Variants in CD226 observed in about 807,000 individuals in gnomAD.
CD226 encodes the protein CD226 molecule.
CD226 carries 24 observed loss-of-function variants against 34.9 expected under a neutral mutation model. The ratio of observed to expected loss-of-function variants is 0.69; its 90% CI spans 0.50 to 0.97. The LOEUF (loss-of-function observed/expected upper bound fraction) is 0.97. Among genes scored for constraint, CD226 ranks in the 50% least tolerant of loss-of-function variants. CD226 has a pLI of 0.00. For missense variants in CD226, 397 were observed against 412.7 expected (o/e 0.96, Z 0.33); for synonymous variants, 148 against 147.4 (o/e 1.00, Z -0.03).
chr18:69,953,658 A>G (rs1330145087), intron 1 of CD226, among the ~76,000 whole-genome samples: 1 of 152,222 alleles, frequency 6.6e-6, no homozygotes. Flanking sequence ...AGCGGTCATC[A>G]CAGAACACTG....
At chr18:69,935,612 G>T (rs577536361) in intron 2 of CD226, among the ~76,000 whole-genome samples, 2 of 152,170 alleles carry the variant, frequency 1.3e-5, no homozygotes, top group South Asian at 2.1e-4. Flanking sequence ...CTCATGTTGT[G>T]GTTGGCAGCC....
Position 69,895,987 on chromosome 18 carries a change from A to G in CD226, c.441T>C (p.Asn147=), listed in dbSNP as rs765806830. 12 of 1,613,862 alleles carry G rather than the reference A, an allele frequency of 7.4e-6. No homozygotes were observed. Among genetic ancestry groups the G allele is most frequent in the Middle Eastern group, 1.6e-4 (1 of 6,062 alleles). Residue 147 remains asparagine (N), a synonymous_variant, in exon 3 of 6, where the codon AAT becomes AAC. Coordinates refer to ENST00000582621, the MANE Select transcript of CD226 (RefSeq NM_001303618.2). ...TCTGAGGCTGACAAGTGAGTGTGAC[A>G]TTCTTTCCAGGTTCCGAAACAATGT... The part of the protein sequence containing the change: ...NSHIVSEPGK[N]VTLTCQPQMT...
Position 69,947,410 on chromosome 18 carries a change from T to C in CD226, c.-4A>G. 6.3e-7 allele frequency: 1 copy of C among 1,580,470 alleles called. No individual in the cohort carries two copies. Among genetic ancestry groups the C allele is most frequent in the Non-Finnish European group, 8.6e-7 (1 of 1,164,670 alleles). On this transcript the variant is annotated 5_prime_UTR_variant, in exon 1 of 6. Transcript: ENST00000582621. ...AAAGTAAAGTAGGATAATCCATCTC[T>C]GGAAACTGTTTGAAAGGCTGGTTCT...
intron 2 of CD226, among the ~76,000 whole-genome samples, chr18:69,897,926 C>A (rs1290390566): frequency 4.6e-5 from 7 of 152,084 alleles, no homozygotes; most frequent in African/African-American, 1.7e-4. Context: ...CTCTGTACAA[C>A]CGTTTACCAA....
chr18:69,900,076 T>C (rs1985513855), intron 2 of CD226, among the ~76,000 whole-genome samples: 2 of 152,204 alleles, frequency 1.3e-5, no homozygotes, highest in Non-Finnish European at 2.9e-5. Context: ...GTGTTACATA[T>C]TCATCATGGA....
At chr18:69,957,600 G>A (rs2055908231), upstream of CD226, among the ~76,000 whole-genome samples, 1 of 152,160 alleles carries the variant, frequency 6.6e-6, no homozygotes, top group African/African-American at 2.4e-5. Flanking sequence ...GAAAGACTAG[G>A]AAGGAAGGAC....
intron 2 of CD226, among the ~76,000 whole-genome samples, chr18:69,940,389 AGGT>A (rs2055708553): frequency 1.0e-5 from 1 of 100,070 alleles, no homozygotes; most frequent in Non-Finnish European, 2.2e-5. Flanking sequence ...ACTGGGTAAC[AGGT>A]AGAGGTTGGA....
chr18:69,949,622 C>T (rs577875055), upstream of CD226, among the ~76,000 whole-genome samples: 99 of 152,230 alleles, frequency 6.5e-4, no homozygotes, highest in African/African-American at 1.5e-3. Flanking sequence ...CACTGACACA[C>T]TCACGTGCTC....
At chr18:69,899,651 T>C (rs578126920) in intron 2 of CD226, among the ~76,000 whole-genome samples, 3 of 152,292 alleles carry the variant, frequency 2.0e-5, no homozygotes, top group Non-Finnish European at 4.4e-5. Flanking sequence ...AGAAGACATA[T>C]ACGTGGCCAA....
At chr18:69,918,350 T>C (rs4891789) in intron 2 of CD226, among the ~76,000 whole-genome samples, 137,715 of 152,114 alleles carry the variant, frequency 0.91, 63,535 homozygotes, top group East Asian at 1. Flanking sequence ...GTCAGGAGTT[T>C]GAGACCAGCC....
intron 4 of CD226, among the ~76,000 whole-genome samples, chr18:69,868,747 G>A (rs1167655854): frequency 1.3e-5 from 2 of 152,036 alleles, no homozygotes; most frequent in South Asian, 2.1e-4. Context: ...TGCAGTTAAC[G>A]TTCCCAACCA....
intron 3 of CD226, among the ~76,000 whole-genome samples, chr18:69,886,478 G>A (rs1984563346): frequency 6.6e-6 from 1 of 152,128 alleles, no homozygotes. Flanking sequence ...GGCCGAGGTG[G>A]GTGGATCACC....
chr18:69,867,414 G>A lies in CD226; in HGVS notation c.831-3C>T, dbSNP rs2145177655. 4 of 1,535,304 alleles carry A rather than the reference G, an allele frequency of 2.6e-6. No homozygotes were observed. The highest frequency in any genetic ancestry group is 3.6e-6 in the Non-Finnish European group (4 of 1,108,524). On this transcript the variant is annotated splice_region_variant and splice_polypyrimidine_tract_variant and intron_variant, in intron 4 of 5. Transcript: ENST00000582621. ...CTCTTCTCTCTCTCCTTCTCCTTCT[G>A]GAATGCATATTCAATAAAGGATATA...
chr18:69,887,588 T>A (rs1784356889), intron 3 of CD226, among the ~76,000 whole-genome samples: 1 of 152,216 alleles, frequency 6.6e-6, no homozygotes, highest in Admixed American at 6.5e-5. Flanking sequence ...AGGTTTTTTT[T>A]ATTGTTTCAC....
At position 69,860,867 on chromosome 18, in the gene CD226, T is replaced by A. The variant is rs1290975335; in HGVS notation, c.*3447A>T. Reference sequence around the variant, plus strand: ...CACAATTTAGCGTCTCCACTTACACTTTATAAGCATCTTTATAATATCGTC... The same window carrying A: ...CACAATTTAGCGTCTCCACTTACACATTATAAGCATCTTTATAATATCGTC... On this transcript the variant is annotated 3_prime_UTR_variant, in exon 6 of 6. Transcript: ENST00000582621. 1 of 152,118 alleles carries A rather than the reference T, an allele frequency of 6.6e-6. No individual in the cohort carries two copies. The highest frequency in any genetic ancestry group is 1.9e-4 in the East Asian group (1 of 5,196). The allele number at this position is 152,118 out of a possible 1,614,324, so 9.4% of individuals were successfully genotyped here.
chr18:69,888,700 T>C, intron 3 of CD226, among the ~76,000 whole-genome samples: 1 of 152,156 alleles, frequency 6.6e-6, no homozygotes, highest in East Asian at 1.9e-4. Flanking sequence ...GAACAGCAGT[T>C]CCTAGGATCA....
chr18:69,900,838 G>C (rs1409955810), intron 2 of CD226, among the ~76,000 whole-genome samples: 1 of 151,888 alleles, frequency 6.6e-6, no homozygotes, highest in South Asian at 2.1e-4. Context: ...CAATGTGCAT[G>C]TATTTTTATT....
At chr18:69,877,106 C>G (rs371560462) in intron 3 of CD226, among the ~76,000 whole-genome samples, 1 of 152,002 alleles carries the variant, frequency 6.6e-6, no homozygotes, top group Non-Finnish European at 1.5e-5. Flanking sequence ...TAAGGTGATC[C>G]GCCCTCCTCG....
chr18:69,897,603 C>T (rs995100641), intron 2 of CD226, among the ~76,000 whole-genome samples: 8 of 147,404 alleles, frequency 5.4e-5, no homozygotes, highest in African/African-American at 2.0e-4. Flanking sequence ...ATTGTCTTGG[C>T]ATACAAACAA....
Sources: gnomAD v4.1 joint callset for allele counts (sites outside exome capture counted in the v4.1 genomes callset) on GRCh38, gnomAD v4.1.1 for gene constraint, MANE v1.5 for transcripts, NCBI Gene and HGNC (gene_info 2026-07-23, HGNC 2026-07-21) for gene names.